VPS33A: variants seen among roughly 807,000 people sequenced by gnomAD.
VPS33A encodes the protein VPS33A core subunit of CORVET and HOPS complexes.
In VPS33A, 32 loss-of-function variants were observed where a neutral mutation model predicts 71.8. That is an observed-to-expected ratio of 0.45 (90% confidence interval 0.34 to 0.60). The LOEUF is 0.60. Among genes scored for constraint, VPS33A ranks in the 20% least tolerant of loss-of-function variants. The probability of loss-of-function intolerance (pLI) is 0.02; values close to 1 mark genes in which losing one functional copy is unlikely to be tolerated. For synonymous variants in VPS33A, 311 were observed against 292.7 expected, an observed-to-expected ratio of 1.06 and a Z score of -0.64; for missense variants, 625 against 748.5, an observed-to-expected ratio of 0.84 and a Z score of 1.92.
chr12:122,261,125 T>C, intron 4 of VPS33A, 136 bp downstream of exon 4: 1 of 711,006 alleles, frequency 1.4e-6, no homozygotes. Flanking sequence ...ATGAACAATT[T>C]GTTGAACAGA....
At chr12:122,233,794 T>C (rs1214572796) in intron 11 of VPS33A, among the ~76,000 whole-genome samples, 1 of 151,870 alleles carries the variant, frequency 6.6e-6, no homozygotes, top group Non-Finnish European at 1.5e-5. Flanking sequence ...TTTAGAAAAA[T>C]TAAAAAGAAG....
At position 122,230,822 on chromosome 12, in the gene VPS33A, G is replaced by A. The variant is rs952812725; in HGVS notation, c.*1424C>T. ...GGAGCAGAGGGGCAGAGAACACACGGATTTTCAACTTCTCCTCCAACACCC... is the reference window on the plus strand; with the variant it reads ...GGAGCAGAGGGGCAGAGAACACACGAATTTTCAACTTCTCCTCCAACACCC... On this transcript the variant is annotated 3_prime_UTR_variant, in exon 13 of 13. Coordinates refer to ENST00000267199, the MANE Select transcript of VPS33A (RefSeq NM_022916.6). The A allele has an allele frequency of 6.6e-6, 1 of 152,168 alleles. No homozygotes were observed. The highest frequency in any genetic ancestry group is 2.4e-5 in the African/African-American group (1 of 41,434). 9.4% of individuals were successfully genotyped at this position (152,168 alleles called of 1,614,324 possible). A position where few individuals can be genotyped will look rare whatever the true frequency, so the allele number is the denominator to read the frequency against.
chr12:122,266,352 C>A lies in VPS33A; in HGVS notation c.57G>T (p.Val19=), dbSNP rs1566056476. The A allele has an allele frequency of 2.5e-6, 4 of 1,613,596 alleles. No homozygotes were observed. The highest frequency in any genetic ancestry group is 2.2e-5 in the East Asian group (1 of 44,876). Residue 19 remains valine, a synonymous_variant, in exon 1 of 13, where the codon GTG becomes GTT. Coordinates refer to ENST00000267199, the MANE Select transcript of VPS33A (RefSeq NM_022916.6). ...CCAGGAACTCGCGCAGCTCGCGACGCACCGCCTCGCGCAACACGTTTAGGT... is the reference window on the plus strand; with the variant it reads ...CCAGGAACTCGCGCAGCTCGCGACGAACCGCCTCGCGCAACACGTTTAGGT... ...RVNLNVLREA[V]RRELREFLDK... is the part of the protein sequence containing the mutation.
At chr12:122,233,014 A>G in intron 11 of VPS33A, 46 bp from the exon 12 acceptor site, 1 of 1,503,762 alleles carries the variant, frequency 6.6e-7, no homozygotes. Flanking sequence ...ACAGAGACTT[A>G]GAGCTACCTG....
intron 9 of VPS33A, among the ~76,000 whole-genome samples, chr12:122,238,975 C>G (rs1232772998): frequency 6.9e-6 from 1 of 143,892 alleles, no homozygotes; most frequent in Non-Finnish European, 1.5e-5. Context: ...CACACACACA[C>G]CCCACACACA....
chr12:122,257,344 T>C (rs1954931806), intron 4 of VPS33A, among the ~76,000 whole-genome samples: 1 of 149,550 alleles, frequency 6.7e-6, no homozygotes, highest in African/African-American at 2.5e-5. Flanking sequence ...AGAGAACTGC[T>C]TGAACCCAGA....
intron 4 of VPS33A, among the ~76,000 whole-genome samples, chr12:122,260,951 G>C (rs944727248): frequency 6.6e-6 from 1 of 152,162 alleles, no homozygotes. Flanking sequence ...CTCCAGCCCG[G>C]GCGACAGAGC....
chr12:122,253,640 A>T (rs1442726153), intron 4 of VPS33A: 2 of 154,320 alleles, frequency 1.3e-5, no homozygotes, highest in Middle Eastern at 5.1e-4. Context: ...TACTACAAAG[A>T]CATCTCTTTT....
intron 4 of VPS33A, 94 bp from the exon 5 acceptor site, chr12:122,251,193 A>C: frequency 1.2e-6 from 1 of 819,458 alleles, no homozygotes; most frequent in Non-Finnish European, 2.0e-6. Context: ...CAGACAATAA[A>C]ATCATTTCCA....
chr12:122,237,156 G>A lies in VPS33A; in HGVS notation c.1303-1233C>T, dbSNP rs1346437257. On this transcript the variant is annotated intron_variant, in intron 10 of 12. Coordinates refer to ENST00000267199, the MANE Select transcript of VPS33A (RefSeq NM_022916.6). ...ACTACCTGAGTCATTTTCAAACAAAGGGGAGACTTTTCAAAAACAAGAGTG... is the reference window on the plus strand; with the variant it reads ...ACTACCTGAGTCATTTTCAAACAAAAGGGAGACTTTTCAAAAACAAGAGTG... 2.6e-5 allele frequency among the ~76,000 whole-genome samples: 4 copies of A among 152,284 alleles called. No homozygotes were observed. In the East Asian group the frequency reaches 7.7e-4, roughly 29 times the overall value.
chr12:122,237,332 T>C (rs1035736542), intron 10 of VPS33A, among the ~76,000 whole-genome samples: 1 of 152,202 alleles, frequency 6.6e-6, no homozygotes, highest in African/African-American at 2.4e-5. Flanking sequence ...GGTTTACCAC[T>C]GGCTGTGCCA....
intron 3 of VPS33A, among the ~76,000 whole-genome samples, chr12:122,262,186 G>A (rs1363361275): frequency 1.3e-5 from 2 of 152,036 alleles, no homozygotes; most frequent in African/African-American, 2.4e-5. Flanking sequence ...GTGAGACTGT[G>A]TCTCAAAAAA....
At chr12:122,265,650 T>C (rs1434957680) in intron 1 of VPS33A, 1 of 431,554 alleles carries the variant, frequency 2.3e-6, no homozygotes, top group Non-Finnish European at 4.8e-6. Flanking sequence ...TGGGGTTCTG[T>C]TCTCTACAAG....
intron 4 of VPS33A, among the ~76,000 whole-genome samples, chr12:122,259,957 C>T (rs899448509): frequency 2.0e-5 from 3 of 152,010 alleles, no homozygotes; most frequent in African/African-American, 4.8e-5. Flanking sequence ...GCTGAAAATT[C>T]GTTCAAGCCT....
At chr12:122,233,009 G>A in intron 11 of VPS33A, 41 bp from the exon 12 acceptor site, 1 of 1,511,810 alleles carries the variant, frequency 6.6e-7, no homozygotes, top group Non-Finnish European at 8.9e-7. Flanking sequence ...TAGATACAGA[G>A]ACTTAGAGCT....
At chr12:122,239,502 A>G (rs571540567) in intron 9 of VPS33A, among the ~76,000 whole-genome samples, 67 of 152,294 alleles carry the variant, frequency 4.4e-4, no homozygotes, top group East Asian at 9.6e-4. Context: ...TTGGGAGGCC[A>G]AGGTGGGCGG....
intron 9 of VPS33A, 117 bp downstream of exon 9, chr12:122,239,749 CAAAAAAAAAAAA>C (rs5801475): frequency 6.0e-4 from 119 of 197,720 alleles, no homozygotes; most frequent in East Asian, 2.2e-3. Context: ...GACTCCGTCT[CAAAAAAAAAAAA>C]AAAAAAAAAA....
At position 122,261,509 on chromosome 12, in the gene VPS33A, T is replaced by C. The variant is rs548576883; in HGVS notation, c.297-62A>G. ...CTAAGAGTCATGGACCATTTTGCTT[T>C]TTTTATCCCCACTGCCTGGCACATA... is the stretch of plus-strand genomic sequence containing the variant. On this transcript the variant is annotated intron_variant, in intron 3 of 12. Coordinates refer to ENST00000267199, the MANE Select transcript of VPS33A (RefSeq NM_022916.6). 97 of 1,527,736 alleles carry C rather than the reference T, an allele frequency of 6.3e-5. 1 individual carries two copies. The East Asian group carries it at 2.2e-3, about 35-fold the overall frequency. The allele number at this position is 1,527,736 out of a possible 1,614,324, so 94.6% of individuals were successfully genotyped here.
At chr12:122,235,402 T>C (rs1954616872) in intron 11 of VPS33A, among the ~76,000 whole-genome samples, 1 of 151,898 alleles carries the variant, frequency 6.6e-6, no homozygotes, top group Non-Finnish European at 1.5e-5. Context: ...GTAGATGGGA[T>C]TACAGGCACG....
Sources: allele counts gnomAD v4.1 joint callset (sites outside exome capture counted in the v4.1 genomes callset), GRCh38; gene constraint gnomAD v4.1.1; transcripts MANE v1.5; gene names NCBI Gene and HGNC (gene_info 2026-07-23, HGNC 2026-07-21).